CYP7B1: variants seen among roughly 807,000 people sequenced by gnomAD.
CYP7B1 encodes cytochrome P450 7B1.
In CYP7B1, 29 loss-of-function variants were observed where a neutral mutation model predicts 42.7. That is an observed-to-expected ratio of 0.68 (90% CI 0.51 to 0.93). The LOEUF is 0.93. CYP7B1 is among the 40% of genes least tolerant of loss of function. The probability of loss-of-function intolerance (pLI) is 0.00; values close to 1 mark genes in which losing one functional copy is unlikely to be tolerated. For missense variants in CYP7B1, 655 were observed against 600.5 expected (o/e 1.09, Z -0.95); for synonymous variants, 235 against 218.2 (o/e 1.08, Z -0.68).
chr8:64,602,611 T>C (rs1421076260), intron 5 of CYP7B1, among the ~76,000 whole-genome samples: 3 of 152,202 alleles, frequency 2.0e-5, no homozygotes, highest in Non-Finnish European at 4.4e-5. Context: ...ATCTGAGGCT[T>C]GATCTTCTCA....
At chr8:64,692,472 A>G (rs548790694) in intron 1 of CYP7B1, among the ~76,000 whole-genome samples, 2 of 152,316 alleles carry the variant, frequency 1.3e-5, no homozygotes, top group Admixed American at 1.3e-4. Context: ...TCTATCTAAG[A>G]GCAACAGAAA....
At chr8:64,694,382 T>C (rs1037908619) in intron 1 of CYP7B1, among the ~76,000 whole-genome samples, 2 of 152,226 alleles carry the variant, frequency 1.3e-5, no homozygotes, top group African/African-American at 4.8e-5. Context: ...CTATGTTCAG[T>C]ACTGAAGCAA....
chr8:64,662,996 A>G (rs550848113), intron 1 of CYP7B1, among the ~76,000 whole-genome samples: 7 of 152,288 alleles, frequency 4.6e-5, no homozygotes, highest in African/African-American at 1.7e-4. Flanking sequence ...GTAATTCTGG[A>G]ACACAGGCCA....
chr8:64,772,634 G>A (rs1434949384), intron 1 of CYP7B1, among the ~76,000 whole-genome samples: 1 of 152,124 alleles, frequency 6.6e-6, no homozygotes, highest in Non-Finnish European at 1.5e-5. Context: ...TGTTGGTTCT[G>A]TTTCTCTGGA....
intron 1 of CYP7B1, among the ~76,000 whole-genome samples, chr8:64,664,720 A>G (rs923626490): frequency 3.9e-4 from 60 of 152,338 alleles, no homozygotes; most frequent in Admixed American, 3.9e-4. Flanking sequence ...AAGACCTGTG[A>G]TGAGGACAGG....
intron 1 of CYP7B1, among the ~76,000 whole-genome samples, chr8:64,766,444 C>T (rs1807974216): frequency 6.6e-6 from 1 of 151,954 alleles, no homozygotes; most frequent in African/African-American, 2.4e-5. Flanking sequence ...CTTAGAAACC[C>T]TAATGAACTT....
intron 1 of CYP7B1, among the ~76,000 whole-genome samples, chr8:64,738,164 T>G (rs1451275785): frequency 6.6e-6 from 1 of 152,236 alleles, no homozygotes. Context: ...TTACTTCTCA[T>G]GTGTAATTGT....
intron 1 of CYP7B1, among the ~76,000 whole-genome samples, chr8:64,787,023 G>A (rs184110634): frequency 3.9e-5 from 6 of 152,240 alleles, no homozygotes; most frequent in African/African-American, 1.4e-4. Context: ...CTGGGACACA[G>A]GGCATGATGT....
chr8:64,718,797 T>G (rs1422252407), intron 1 of CYP7B1, among the ~76,000 whole-genome samples: 1 of 152,148 alleles, frequency 6.6e-6, no homozygotes, highest in Non-Finnish European at 1.5e-5. Context: ...CCCACAATTG[T>G]CAGAGGTGGA....
chr8:64,764,312 C>T (rs1165925312), intron 1 of CYP7B1, among the ~76,000 whole-genome samples: 2 of 139,192 alleles, frequency 1.4e-5, no homozygotes, highest in East Asian at 4.7e-4. Flanking sequence ...ACTGATAACC[C>T]AGTACTTTAA....
chr8:64,604,062 T>C (rs2129629924), intron 5 of CYP7B1, among the ~76,000 whole-genome samples: 1 of 152,302 alleles, frequency 6.6e-6, no homozygotes, highest in East Asian at 1.9e-4. Context: ...GGTGGATTAA[T>C]TTCCAGTCTT....
intron 1 of CYP7B1, 34 bp downstream of exon 1, chr8:64,798,432 G>A (rs989082688): frequency 3.3e-6 from 5 of 1,497,106 alleles, no homozygotes; most frequent in Middle Eastern, 2.2e-4. Flanking sequence ...CGGGGCCCAG[G>A]GCGCATGCGT....
chr8:64,620,365 C>T (rs182825967), intron 2 of CYP7B1, among the ~76,000 whole-genome samples: 36 of 152,208 alleles, frequency 2.4e-4, no homozygotes, highest in African/African-American at 8.2e-4. Flanking sequence ...CATATCCCCC[C>T]GCTTATTAGG....
rs1378603713 is a variant in CYP7B1, at chr8:64,784,013, C to A, written c.122+14453G>T. Among the ~76,000 whole-genome samples, 5 of 152,018 alleles carry A rather than the reference C, an allele frequency of 3.3e-5. No homozygotes were observed. The South Asian group carries it at 8.3e-4, about 25-fold the overall frequency. The stretch of plus-strand genomic sequence containing the variant: ...AAATTTTATTTTATGAATCATTTTT[C>A]TTAATTTACCAAGGTATCAGTCCTT... On this transcript the variant is annotated intron_variant, in intron 1 of 5. Coordinates refer to ENST00000310193, the MANE Select transcript of CYP7B1 (RefSeq NM_004820.5).
In CYP7B1 at chr8:64,694,456, C is replaced by T. The variant is rs529717486; in HGVS notation, c.123-69917G>A. ...CAGGGGAATTCTGCTAAAGTTGGAG[C>T]TCTGCATGAGTCTGAAAGGTGCAGA... is the stretch of plus-strand genomic sequence containing the variant. On this transcript the variant is annotated intron_variant, in intron 1 of 5. Transcript: ENST00000310193. Among the ~76,000 whole-genome samples the T allele has an allele frequency of 7.2e-5, 11 of 152,228 alleles. No individual in the cohort carries two copies. In the South Asian group the frequency reaches 2.3e-3, roughly 32 times the overall value.
At chr8:64,797,798 A>G (rs1804727467) in intron 1 of CYP7B1, among the ~76,000 whole-genome samples, 1 of 152,240 alleles carries the variant, frequency 6.6e-6, no homozygotes, top group African/African-American at 2.4e-5. Flanking sequence ...GATTAAACTC[A>G]AAGTGAATGA....
rs570282769 is a variant in CYP7B1 at position 64,738,556 on chromosome 8, A to G, written c.122+59910T>C. Among the ~76,000 whole-genome samples, 7 of 152,232 alleles carry G rather than the reference A, an allele frequency of 4.6e-5. No individual in the cohort carries two copies. In the South Asian group the frequency reaches 1.4e-3, roughly 32 times the overall value. ...AGAAAACACACACACACGCACACAC[A>G]CACACACACGCATATAAAACATAAT... On this transcript the variant is annotated intron_variant, in intron 1 of 5. Transcript: ENST00000310193.
chr8:64,619,380 A>G (rs1403268563), intron 2 of CYP7B1, among the ~76,000 whole-genome samples: 2 of 152,210 alleles, frequency 1.3e-5, no homozygotes, highest in East Asian at 3.8e-4. Context: ...TCACAAGGTA[A>G]AAACAATACC....
rs550799634 is a variant in CYP7B1, at chr8:64,645,713, GA to G, written c.123-21175del. The stretch of plus-strand genomic sequence containing the variant: ...AAAAAACTACTTTAAAGTTCATATG[GA>G]ACCAAAAAAGAGCCCACATCGCCAA... On this transcript the variant is annotated intron_variant, in intron 1 of 5. Transcript: ENST00000310193. Among the ~76,000 whole-genome samples the G allele has an allele frequency of 5.7e-3, 859 of 151,970 alleles. 6 individuals are homozygous for G. The highest frequency in any genetic ancestry group is 0.016 in the South Asian group (77 of 4,810).
Sources: allele counts gnomAD v4.1 joint callset (sites outside exome capture counted in the v4.1 genomes callset), GRCh38; gene constraint gnomAD v4.1.1; transcripts MANE v1.5; gene names NCBI Gene and HGNC (gene_info 2026-07-23, HGNC 2026-07-21).